The following SDHAF3 variants were observed in gnomAD, a reference collection of about 807,000 sequenced individuals.
SDHAF3 encodes the protein succinate dehydrogenase complex assembly factor 3.
In SDHAF3, 18 loss-of-function variants were observed where a neutral mutation model predicts 11.5. The observed-to-expected ratio is 1.56, with a 90% CI of 1.08 to 2.32. The LOEUF is 2.32. SDHAF3 is among the 30% of genes most tolerant of loss of function. The probability of loss-of-function intolerance (pLI) is 0.00; values close to 1 mark genes in which losing one functional copy is unlikely to be tolerated. For synonymous variants in SDHAF3, 72 were observed against 59.3 expected, an observed-to-expected ratio of 1.21 and a Z score of -0.99; for missense variants, 200 against 154.4, an observed-to-expected ratio of 1.30 and a Z score of -1.57.
chr7:97,160,513 T>C (rs907666233), intron 1 of SDHAF3, among the ~76,000 whole-genome samples: 1 of 152,140 alleles, frequency 6.6e-6, no homozygotes, highest in African/African-American at 2.4e-5. Flanking sequence ...TGTGTCTATG[T>C]AGAAAGAAGT....
chr7:97,164,166 G>A (rs1282957740), intron 1 of SDHAF3, among the ~76,000 whole-genome samples: 3 of 150,600 alleles, frequency 2.0e-5, no homozygotes, highest in Non-Finnish European at 4.4e-5. Flanking sequence ...AGACGGTCTC[G>A]ATCTCCTCTC....
intron 1 of SDHAF3, among the ~76,000 whole-genome samples, chr7:97,143,823 G>A (rs1427227407): frequency 6.6e-6 from 1 of 152,084 alleles, no homozygotes; most frequent in Non-Finnish European, 1.5e-5. Context: ...TAATGAAAAA[G>A]ATTATCTTTT....
intron 1 of SDHAF3, among the ~76,000 whole-genome samples, chr7:97,140,176 A>C (rs984039807): frequency 6.6e-6 from 1 of 152,082 alleles, no homozygotes; most frequent in African/African-American, 2.4e-5. Context: ...CTGACTGTTC[A>C]TTTGGCTTAA....
intron 1 of SDHAF3, among the ~76,000 whole-genome samples, chr7:97,150,379 C>G (rs1260740455): frequency 6.6e-6 from 1 of 152,096 alleles, no homozygotes; most frequent in Non-Finnish European, 1.5e-5. Context: ...TATAGTCTTT[C>G]AAAATGTATT....
intron 1 of SDHAF3, among the ~76,000 whole-genome samples, chr7:97,177,779 A>T (rs578155930): frequency 6.6e-6 from 1 of 152,318 alleles, no homozygotes; most frequent in Non-Finnish European, 1.5e-5. Flanking sequence ...TTTGGTTCTT[A>T]TAATTCCTCA....
rs1225762683 is a variant in SDHAF3, at chr7:97,181,717, A to G, written c.*502A>G. The G allele has an allele frequency of 6.5e-6, 1 of 153,546 alleles. No individual in the cohort carries two copies. Among genetic ancestry groups the G allele is most frequent in the East Asian group, 1.9e-4 (1 of 5,206 alleles). 9.5% of individuals were successfully genotyped at this position (153,546 alleles called of 1,614,324 possible). A position where few individuals can be genotyped will look rare whatever the true frequency, so the allele number is the denominator to read the frequency against. On this transcript the variant is annotated 3_prime_UTR_variant, in exon 2 of 2. Transcript: ENST00000432641. ...AGGTTAGGAAGAAGCTTTAAAATTC[A>G]CTATTTTACTATCAATCATTTGTAT...
intron 1 of SDHAF3, among the ~76,000 whole-genome samples, chr7:97,122,912 CTTTTCT>C (rs1362869705): frequency 2.4e-5 from 3 of 127,366 alleles, no homozygotes; most frequent in Non-Finnish European, 3.3e-5. Context: ...TGGAATTTTT[CTTTTCT>C]TTTTTTTTTT....
intron 1 of SDHAF3, among the ~76,000 whole-genome samples, chr7:97,120,791 T>C (rs1327287653): frequency 6.6e-6 from 1 of 152,124 alleles, no homozygotes; most frequent in East Asian, 1.9e-4. Flanking sequence ...ACGTTGGGTA[T>C]AGTTGCCACT....
chr7:97,130,193 A>T (rs975025917), intron 1 of SDHAF3, among the ~76,000 whole-genome samples: 1 of 151,568 alleles, frequency 6.6e-6, no homozygotes, highest in African/African-American at 2.4e-5. Context: ...AATTGCTTGA[A>T]TCCTGGAGAA....
At chr7:97,125,030 G>C (rs950824866) in intron 1 of SDHAF3, among the ~76,000 whole-genome samples, 1 of 152,096 alleles carries the variant, frequency 6.6e-6, no homozygotes, top group Non-Finnish European at 1.5e-5. Context: ...ATACTACGTT[G>C]AATAGGAGTG....
At chr7:97,147,042 A>AT (rs144285186) in intron 1 of SDHAF3, among the ~76,000 whole-genome samples, 3,808 of 152,294 alleles carry the variant, frequency 0.025, 148 homozygotes, top group African/African-American at 0.087. Flanking sequence ...CGCCCGGCCA[A>AT]TAGGTACTCT....
chr7:97,180,556 A>G (rs1789753711), intron 1 of SDHAF3, among the ~76,000 whole-genome samples: 1 of 152,174 alleles, frequency 6.6e-6, no homozygotes, highest in Admixed American at 6.5e-5. Context: ...ATTCCCATCT[A>G]ACAAACCTGC....
chr7:97,131,874 G>T (rs1791676096), intron 1 of SDHAF3, among the ~76,000 whole-genome samples: 1 of 152,126 alleles, frequency 6.6e-6, no homozygotes, highest in Non-Finnish European at 1.5e-5. Flanking sequence ...AATTACTGTA[G>T]ATATCCAATG....
At chr7:97,150,724 C>T (rs554165414) in intron 1 of SDHAF3, among the ~76,000 whole-genome samples, 151 of 151,790 alleles carry the variant, frequency 9.9e-4, no homozygotes, top group African/African-American at 2.9e-3. Flanking sequence ...CCACCACACC[C>T]GGATAATTTT....
Position 97,117,719 on chromosome 7 carries a change from G to C in SDHAF3, c.-5G>C. ...AGGCGCAGTCGGCGGTCGGCGTGGG[G>C]CGCTATGCCGGGGCGGCACGTTTCT... On this transcript the variant is annotated 5_prime_UTR_variant, in exon 1 of 2. Coordinates refer to ENST00000432641, the MANE Select transcript of SDHAF3 (RefSeq NM_020186.3). The C allele has an allele frequency of 1.2e-6, 2 of 1,610,706 alleles. No homozygotes were observed. The highest frequency in any genetic ancestry group is 2.2e-5 in the South Asian group (2 of 90,964).
chr7:97,134,171 C>T (rs935208525), intron 1 of SDHAF3, among the ~76,000 whole-genome samples: 2 of 152,232 alleles, frequency 1.3e-5, no homozygotes, highest in Non-Finnish European at 2.9e-5. Context: ...CAGCAGCTAC[C>T]TGGGTGAGAT....
chr7:97,180,057 C>G (rs750644913), intron 1 of SDHAF3, among the ~76,000 whole-genome samples: 5 of 152,112 alleles, frequency 3.3e-5, no homozygotes, highest in Non-Finnish European at 5.9e-5. Flanking sequence ...GAGTCTGTTT[C>G]AAAACAGTGG....
Position 97,117,702 on chromosome 7 carries a change from T to C in SDHAF3, c.-22T>C. On this transcript the variant is annotated 5_prime_UTR_variant, in exon 1 of 2. Transcript: ENST00000432641. ...GCGCCGTCCCTCTGCGCAGGCGCAG[T>C]CGGCGGTCGGCGTGGGGCGCTATGC... is the stretch of plus-strand genomic sequence containing the variant. The C allele has an allele frequency of 1.2e-6, 2 of 1,604,200 alleles. No homozygotes were observed. The highest frequency in any genetic ancestry group is 1.7e-4 in the Middle Eastern group (1 of 5,998).
At chr7:97,158,601 G>A (rs187059158) in intron 1 of SDHAF3, among the ~76,000 whole-genome samples, 2 of 152,202 alleles carry the variant, frequency 1.3e-5, no homozygotes, top group Non-Finnish European at 2.9e-5. Context: ...TGGGATTACA[G>A]ATGTGAGCCA....
Sources: gnomAD v4.1 joint callset for allele counts (sites outside exome capture counted in the v4.1 genomes callset) on GRCh38, gnomAD v4.1.1 for gene constraint, MANE v1.5 for transcripts, NCBI Gene and HGNC (gene_info 2026-07-23, HGNC 2026-07-21) for gene names.